PSMD11: variants seen among roughly 807,000 people sequenced by gnomAD.
The protein encoded by PSMD11 is proteasome 26S subunit, non-ATPase 11.
In PSMD11, 5 loss-of-function variants were observed where a neutral mutation model predicts 62.3. The ratio of observed to expected loss-of-function variants is 0.08; its 90% CI spans 0.04 to 0.17. The LOEUF (loss-of-function observed/expected upper bound fraction) is 0.17. Ranked by LOEUF, PSMD11 falls within the 10% of genes least tolerant of loss-of-function variation. PSMD11 has a pLI of 1.00. For missense variants in PSMD11, 310 were observed against 512.9 expected, an observed-to-expected ratio of 0.60 and a Z score of 3.82; for synonymous variants, 191 against 191.8, an observed-to-expected ratio of 1.00 and a Z score of 0.03.
intron 2 of PSMD11, among the ~76,000 whole-genome samples, chr17:32,454,055 G>C (rs1208461519): frequency 6.6e-6 from 1 of 152,196 alleles, no homozygotes; most frequent in Non-Finnish European, 1.5e-5. Context: ...AAGGGGAACA[G>C]CTGAAGCAGA....
intron 8 of PSMD11, among the ~76,000 whole-genome samples, chr17:32,476,303 T>G (rs1473454291): frequency 1.3e-5 from 2 of 152,130 alleles, no homozygotes; most frequent in Non-Finnish European, 2.9e-5. Flanking sequence ...CTACTCTCAC[T>G]ATAACTAGAG....
intron 3 of PSMD11, among the ~76,000 whole-genome samples, chr17:32,461,324 G>A (rs1597835528): frequency 1.3e-5 from 2 of 152,072 alleles, no homozygotes; most frequent in Admixed American, 6.6e-5. Context: ...TGATCCGCCC[G>A]CTTTGGCCTC....
intron 11 of PSMD11, 27 bp downstream of exon 11, chr17:32,479,913 G>A (rs1243906881): frequency 5.0e-6 from 8 of 1,608,138 alleles, no homozygotes; most frequent in Non-Finnish European, 6.8e-6. Context: ...CCATCTGCAG[G>A]GAGGAATGGG....
chr17:32,460,755 CA>C lies in PSMD11; in HGVS notation c.319-3279del, dbSNP rs397939444. On this transcript the variant is annotated intron_variant, in intron 3 of 13. Coordinates refer to ENST00000261712, the MANE Select transcript of PSMD11 (RefSeq NM_002815.4). Reference sequence around the variant, plus strand: ...CTCCAGCCTGGGTGAGACACTGTCTCAAAAAAAAAAAAAAAGACAGATATAT... The same window carrying C: ...CTCCAGCCTGGGTGAGACACTGTCTCAAAAAAAAAAAAAAGACAGATATAT... Among the ~76,000 whole-genome samples, 270 of 124,040 alleles carry C rather than the reference CA, an allele frequency of 2.2e-3. 1 individual carries two copies. The highest frequency in any genetic ancestry group is 4.3e-3 in the Middle Eastern group (1 of 230). The allele number at this position is 124,040 out of a possible 152,430, so 81.4% of individuals were successfully genotyped here.
chr17:32,473,640 C>T (rs1436310409), intron 6 of PSMD11, among the ~76,000 whole-genome samples, 161 bp from the exon 7 acceptor site: 1 of 151,622 alleles, frequency 6.6e-6, no homozygotes, highest in Non-Finnish European at 1.5e-5. Context: ...GTCTCGAACT[C>T]CTGGGCTCAC....
At chr17:32,444,807 A>G (rs1405614658) in intron 1 of PSMD11, 193 bp downstream of exon 1, 3 of 630,662 alleles carry the variant, frequency 4.8e-6, no homozygotes, top group Non-Finnish European at 7.8e-6. Flanking sequence ...GGAGGGCTTG[A>G]GGCAATCCCC....
intron 2 of PSMD11, among the ~76,000 whole-genome samples, chr17:32,448,078 A>G (rs2150827907): frequency 6.6e-6 from 1 of 152,074 alleles, no homozygotes; most frequent in South Asian, 2.1e-4. Flanking sequence ...ACGAGGTTTC[A>G]CTGTGTTGAT....
chr17:32,451,216 T>TA (rs1198017374), intron 2 of PSMD11, among the ~76,000 whole-genome samples: 2 of 152,192 alleles, frequency 1.3e-5, no homozygotes, highest in African/African-American at 4.8e-5. Flanking sequence ...ACTCAGTGCT[T>TA]AGAGAAAATA....
chr17:32,479,127 G>C, intron 9 of PSMD11, 124 bp from the exon 10 acceptor site: 1 of 1,301,998 alleles, frequency 7.7e-7, no homozygotes, highest in Non-Finnish European at 1.1e-6. Context: ...CATCTCCCCA[G>C]ATCTCCCCTA....
At chr17:32,465,170 G>A (rs1907958118) in intron 5 of PSMD11, among the ~76,000 whole-genome samples, 1 of 151,784 alleles carries the variant, frequency 6.6e-6, no homozygotes, top group South Asian at 2.1e-4. Flanking sequence ...GCCCAGGCTG[G>A]AGTGCAGCAG....
At chr17:32,480,066 C>T (rs1908443583) in intron 11 of PSMD11, 80 bp from the exon 12 acceptor site, 5 of 1,540,200 alleles carry the variant, frequency 3.2e-6, no homozygotes, top group Non-Finnish European at 2.7e-6. Context: ...TGGCCTAAGA[C>T]CCCTCCAACA....
rs1908246223 is a variant in PSMD11 at position 32,473,898 on chromosome 17, C to T, written c.741C>T (p.Ala247=). ...EGYDSIDSPK[A]ITSLKYMLLC... is the part of the protein sequence containing the mutation. The stretch of plus-strand genomic sequence containing the variant: ...ATGACTCCATCGACAGCCCCAAGGC[C>T]ATCACATCTCTGAAGTACATGTTGC... The change falls in exon 7 of 14, where the codon GCC becomes GCT. Residue 247 remains alanine, a synonymous_variant. Coordinates refer to ENST00000261712, the MANE Select transcript of PSMD11 (RefSeq NM_002815.4). 1 of 1,614,176 alleles carries T rather than the reference C, an allele frequency of 6.2e-7. No individual in the cohort carries two copies. Among genetic ancestry groups the T allele is most frequent in the Non-Finnish European group, 8.5e-7 (1 of 1,180,030 alleles).
chr17:32,472,442 C>T (rs776183276), intron 6 of PSMD11, among the ~76,000 whole-genome samples: 18 of 150,382 alleles, frequency 1.2e-4, no homozygotes, highest in African/African-American at 1.2e-4. Context: ...AAGCTGATCT[C>T]GATCTCCTGA....
At chr17:32,474,075 G>T in intron 7 of PSMD11, 130 bp downstream of exon 7, 1 of 1,119,066 alleles carries the variant, frequency 8.9e-7, no homozygotes. Context: ...CTCTAGGGCT[G>T]GCTAAGGTAG....
chr17:32,466,371 A>G (rs1446880922), intron 5 of PSMD11, among the ~76,000 whole-genome samples: 2 of 152,124 alleles, frequency 1.3e-5, no homozygotes, highest in Non-Finnish European at 2.9e-5. Context: ...AGCTATTTGT[A>G]TCTTTGTAGA....
intron 1 of PSMD11, chr17:32,445,626 C>T: frequency 6.6e-6 from 1 of 152,220 alleles, no homozygotes; most frequent in East Asian, 1.9e-4. Flanking sequence ...CTCTTCACTG[C>T]ACATGTAATG....
rs766445388 is a variant in PSMD11 at position 32,446,905 on chromosome 17, TG to T, written c.92-38del. ...GAAATTTCCCTCAGTCTTCATTTTT[TG>T]GTCAGAATTTTAAGAGGGTTTGCAT... On this transcript the variant is annotated intron_variant, in intron 1 of 13. Coordinates refer to ENST00000261712, the MANE Select transcript of PSMD11 (RefSeq NM_002815.4). 2.4e-5 allele frequency: 35 copies of T among 1,456,270 alleles called. No individual in the cohort carries two copies. In the East Asian group the frequency reaches 8.1e-4, roughly 34 times the overall value. 90.2% of individuals were successfully genotyped at this position (1,456,270 alleles called of 1,614,324 possible). A position where few individuals can be genotyped will look rare whatever the true frequency, so the allele number is the denominator to read the frequency against.
At chr17:32,463,072 A>G (rs1020791265) in intron 3 of PSMD11, among the ~76,000 whole-genome samples, 14 of 152,188 alleles carry the variant, frequency 9.2e-5, no homozygotes, top group African/African-American at 3.1e-4. Context: ...TTCTCATTTC[A>G]TTTCTTTTGC....
intron 2 of PSMD11, among the ~76,000 whole-genome samples, chr17:32,452,607 T>TA (rs1907539489): frequency 6.6e-6 from 1 of 152,232 alleles, no homozygotes; most frequent in African/African-American, 2.4e-5. Context: ...ATTATATACT[T>TA]AAAGTATTTT....
Sources: gnomAD v4.1 joint callset for allele counts (sites outside exome capture counted in the v4.1 genomes callset) on GRCh38, gnomAD v4.1.1 for gene constraint, MANE v1.5 for transcripts, NCBI Gene and HGNC (gene_info 2026-07-23, HGNC 2026-07-21) for gene names.